Variants in CEP112 observed in about 807,000 individuals in gnomAD.
The protein encoded by CEP112 is centrosomal protein of 112 kDa.
Under a neutral mutation model 153.0 loss-of-function variants are expected in CEP112, and 127 were observed. The observed-to-expected ratio is 0.83, with a 90% CI of 0.72 to 0.96. CEP112 has a LOEUF of 0.96. Among genes scored for constraint, CEP112 ranks in the 40% least tolerant of loss-of-function variants. CEP112 has a pLI of 0.00. For missense variants in CEP112, 1,089 were observed against 1,101.2 expected (o/e 0.99, Z 0.16); for synonymous variants, 358 against 374.4 (o/e 0.96, Z 0.51).
intron 23 of CEP112, among the ~76,000 whole-genome samples, chr17:65,735,097 C>G (rs997418713): frequency 6.6e-6 from 1 of 152,144 alleles, no homozygotes; most frequent in Non-Finnish European, 1.5e-5. Flanking sequence ...TCAGAAAAGT[C>G]TGTAAGTATT....
At chr17:65,971,563 T>G (rs895515103) in intron 17 of CEP112, among the ~76,000 whole-genome samples, 3 of 152,192 alleles carry the variant, frequency 2.0e-5, no homozygotes, top group Non-Finnish European at 4.4e-5. Flanking sequence ...TACATGTGTG[T>G]TGTATGTATA....
intron 20 of CEP112, among the ~76,000 whole-genome samples, chr17:65,865,657 C>T (rs571703363): frequency 6.6e-5 from 10 of 152,264 alleles, no homozygotes; most frequent in East Asian, 1.9e-4. Context: ...CTCCTGAAGC[C>T]GGTCCCAAGA....
rs2067252886 is a variant in CEP112 at position 66,069,981 on chromosome 17, C to T, written c.789G>A (p.Met263Ile). 5 of 1,605,700 alleles carry T rather than the reference C, an allele frequency of 3.1e-6. No individual in the cohort carries two copies. The highest frequency in any genetic ancestry group is 4.3e-6 in the Non-Finnish European group (5 of 1,174,934). ...REKELDMKTK[M>I]MEAKFHEEKL... is the part of the protein sequence containing the mutation. ...TTTCTTCATGAAATTTAGCTTCCATCATTTTTGTTTTCATGTCCAGCTTCA... is the reference window on the plus strand; with the variant it reads ...TTTCTTCATGAAATTTAGCTTCCATTATTTTTGTTTTCATGTCCAGCTTCA... Residue 263 changes from methionine to isoleucine, a missense_variant, in exon 9 of 27, where the codon ATG becomes ATA. Met to Ile is a conservative substitution (Grantham distance 10). Transcript: ENST00000535342.
chr17:65,903,787 T>C (rs1258646614), intron 19 of CEP112, among the ~76,000 whole-genome samples: 1 of 152,200 alleles, frequency 6.6e-6, no homozygotes, highest in Non-Finnish European at 1.5e-5. Flanking sequence ...GCTTCATCCC[T>C]GGGATGCAAG....
At chr17:65,959,600 C>T (rs888980307) in intron 18 of CEP112, among the ~76,000 whole-genome samples, 5 of 152,184 alleles carry the variant, frequency 3.3e-5, no homozygotes, top group Admixed American at 1.3e-4. Context: ...TCTTTGGGTT[C>T]GTGTGGTTCT....
At chr17:65,858,790 C>T (rs1293017930) in intron 20 of CEP112, among the ~76,000 whole-genome samples, 2 of 152,092 alleles carry the variant, frequency 1.3e-5, no homozygotes, top group Non-Finnish European at 2.9e-5. Flanking sequence ...TTTTCATTAT[C>T]AATTATTTCT....
At chr17:65,900,398 T>G (rs1250073071) in intron 20 of CEP112, among the ~76,000 whole-genome samples, 1 of 152,112 alleles carries the variant, frequency 6.6e-6, no homozygotes, top group African/African-American at 2.4e-5. Flanking sequence ...TAGGAAGAAA[T>G]TCAATTAATA....
chr17:65,685,568 T>C (rs549869377), intron 24 of CEP112, among the ~76,000 whole-genome samples: 1 of 152,220 alleles, frequency 6.6e-6, no homozygotes, highest in Admixed American at 6.5e-5. Context: ...TGATGAACAG[T>C]GAAAAATACA....
At chr17:66,108,455 T>A (rs1356512074) in intron 6 of CEP112, among the ~76,000 whole-genome samples, 1 of 152,002 alleles carries the variant, frequency 6.6e-6, no homozygotes, top group Admixed American at 6.6e-5. Context: ...GGGCAAAAGA[T>A]CTGAATAGAC....
intron 17 of CEP112, among the ~76,000 whole-genome samples, chr17:65,990,989 T>A (rs2063574303): frequency 6.6e-6 from 1 of 152,158 alleles, no homozygotes; most frequent in South Asian, 2.1e-4. Flanking sequence ...GAGCCTCTGG[T>A]CCCTGAATAA....
chr17:65,968,601 G>A (rs1261172181), intron 17 of CEP112, among the ~76,000 whole-genome samples: 1 of 152,134 alleles, frequency 6.6e-6, no homozygotes, highest in Non-Finnish European at 1.5e-5. Flanking sequence ...TGGAAATGAT[G>A]AAGCAGAGTG....
chr17:65,942,066 T>TG (rs2144496611), intron 18 of CEP112, among the ~76,000 whole-genome samples: 1 of 152,270 alleles, frequency 6.6e-6, no homozygotes, highest in South Asian at 2.1e-4. Flanking sequence ...CCCAGGGCCA[T>TG]GGACTGGTAC....
chr17:65,841,146 G>GA (rs1334828071), intron 21 of CEP112, among the ~76,000 whole-genome samples: 1 of 151,970 alleles, frequency 6.6e-6, no homozygotes, highest in Non-Finnish European at 1.5e-5. Flanking sequence ...TTCCACTGCT[G>GA]AATATATATC....
intron 23 of CEP112, among the ~76,000 whole-genome samples, chr17:65,698,311 T>C (rs1344337451): frequency 6.6e-6 from 1 of 152,226 alleles, no homozygotes; most frequent in African/African-American, 2.4e-5. Flanking sequence ...GCAAAAATAC[T>C]GTGGCCACTA....
At chr17:66,044,006 C>G (rs1454573269) in intron 12 of CEP112, among the ~76,000 whole-genome samples, 1 of 152,130 alleles carries the variant, frequency 6.6e-6, no homozygotes, top group Non-Finnish European at 1.5e-5. Flanking sequence ...TTCTTAAATT[C>G]AATCCTGCTG....
At chr17:66,161,737 T>C (rs9895407) in intron 4 of CEP112, among the ~76,000 whole-genome samples, 8,819 of 152,060 alleles carry the variant, frequency 0.058, 268 homozygotes, top group East Asian at 0.072. Context: ...ATGTAGATTA[T>C]GGGTTGATGG....
chr17:65,952,021 G>T (rs1028685256), intron 18 of CEP112, among the ~76,000 whole-genome samples: 1 of 152,054 alleles, frequency 6.6e-6, no homozygotes. Context: ...TTCCAAATAT[G>T]TGAGGATTTC....
At chr17:65,738,499 C>A (rs1189103603) in intron 23 of CEP112, among the ~76,000 whole-genome samples, 2 of 152,192 alleles carry the variant, frequency 1.3e-5, no homozygotes, top group African/African-American at 4.8e-5. Flanking sequence ...GTATTCATTT[C>A]AAAAGCCTAC....
At chr17:65,660,086 G>T (rs1361473665) in intron 24 of CEP112, among the ~76,000 whole-genome samples, 3 of 152,106 alleles carry the variant, frequency 2.0e-5, no homozygotes, top group Non-Finnish European at 2.9e-5. Context: ...TTAGGACTTT[G>T]AAGCTTATGC....
Sources: gnomAD v4.1 joint callset for allele counts (sites outside exome capture counted in the v4.1 genomes callset) on GRCh38, gnomAD v4.1.1 for gene constraint, MANE v1.5 for transcripts, NCBI Gene and HGNC (gene_info 2026-07-23, HGNC 2026-07-21) for gene names.